FZD3: variants seen among roughly 807,000 people sequenced by gnomAD.
FZD3 encodes the protein frizzled-3.
Under a neutral mutation model 60.7 loss-of-function variants are expected in FZD3, and 30 were observed. The observed-to-expected ratio is 0.49, with a 90% CI of 0.37 to 0.67. The LOEUF (loss-of-function observed/expected upper bound fraction) is 0.67, where lower values mean the gene tolerates loss of function less well. Among genes scored for constraint, FZD3 ranks in the 30% least tolerant of loss-of-function variants. The probability of loss-of-function intolerance (pLI) is 0.00; values close to 1 mark genes in which losing one functional copy is unlikely to be tolerated. For missense variants in FZD3, 605 were observed against 838.7 expected, an observed-to-expected ratio of 0.72 and a Z score of 3.44; for synonymous variants, 246 against 275.2, an observed-to-expected ratio of 0.89 and a Z score of 1.05.
At chr8:28,501,037 A>G (rs1240869159) in intron 2 of FZD3, among the ~76,000 whole-genome samples, 2 of 152,126 alleles carry the variant, frequency 1.3e-5, no homozygotes, top group East Asian at 1.9e-4. Flanking sequence ...TGGGATTACA[A>G]GCGTGAGCCA....
At chr8:28,556,330 C>G (rs944098869) in intron 7 of FZD3, among the ~76,000 whole-genome samples, 3 of 152,168 alleles carry the variant, frequency 2.0e-5, no homozygotes, top group African/African-American at 7.2e-5. Flanking sequence ...TCTTGGTAAG[C>G]TCACAGTCTA....
chr8:28,530,116 T>C (rs1804826666), intron 5 of FZD3, among the ~76,000 whole-genome samples: 1 of 139,856 alleles, frequency 7.2e-6, no homozygotes, highest in South Asian at 2.2e-4. Context: ...TGTGTGTGTG[T>C]GTGTGTGTGT....
At chr8:28,538,090 C>T (rs1286710016) in intron 5 of FZD3, among the ~76,000 whole-genome samples, 2 of 151,212 alleles carry the variant, frequency 1.3e-5, no homozygotes, top group Non-Finnish European at 2.9e-5. Context: ...GCACTCCAGC[C>T]TGGGCGACAA....
chr8:28,511,227 C>T (rs982612797), intron 3 of FZD3, among the ~76,000 whole-genome samples: 17 of 152,018 alleles, frequency 1.1e-4, no homozygotes, highest in Non-Finnish European at 2.4e-4. Flanking sequence ...TGGGTCTACA[C>T]CTGTAATCCC....
intron 7 of FZD3, among the ~76,000 whole-genome samples, chr8:28,559,494 A>G (rs1805576954): frequency 6.6e-6 from 1 of 152,184 alleles, no homozygotes; most frequent in Non-Finnish European, 1.5e-5. Flanking sequence ...GCATATATAT[A>G]TATAGTAGGG....
At chr8:28,519,508 T>A (rs1168239317) in intron 3 of FZD3, among the ~76,000 whole-genome samples, 1 of 152,042 alleles carries the variant, frequency 6.6e-6, no homozygotes, top group Non-Finnish European at 1.5e-5. Context: ...GATGGACAGA[T>A]CGCTTGAGCC....
rs376093496 is a variant in FZD3 at position 28,551,404 on chromosome 8, C to A, written c.1405-199C>A. On this transcript the variant is annotated intron_variant, in intron 5 of 7. Transcript: ENST00000240093. ...TGGCATATACCTGTAATCCTAGCTA[C>A]TTGGGAGGCTGTGAGGCAGGAGAAT... 1.4e-4 allele frequency among the ~76,000 whole-genome samples: 22 copies of A among 152,176 alleles called. 1 individual carries two copies. The highest frequency in any genetic ancestry group is 4.8e-4 in the African/African-American group (20 of 41,512).
Position 28,571,026 on chromosome 8 carries a change from C to T in FZD3, c.*8015C>T, listed in dbSNP as rs1428308912. On this transcript the variant is annotated 3_prime_UTR_variant, in exon 8 of 8. Coordinates refer to ENST00000240093, the MANE Select transcript of FZD3 (RefSeq NM_017412.4). ...ATTATTATGTTATTTCGATTGCCTA[C>T]CAAAAAAAAAAAAAAAAGAAAAGGT... 2.3e-5 allele frequency: 2 copies of T among 86,210 alleles called. No individual in the cohort carries two copies. The highest frequency in any genetic ancestry group is 8.3e-5 in the African/African-American group (2 of 24,046). The allele number at this position is 86,210 out of a possible 1,614,324, so 5.3% of individuals were successfully genotyped here.
intron 5 of FZD3, among the ~76,000 whole-genome samples, chr8:28,541,663 A>AT: frequency 6.6e-6 from 1 of 152,186 alleles, no homozygotes; most frequent in East Asian, 1.9e-4. Flanking sequence ...GTGCTCCAAA[A>AT]TATCTATTTA....
At chr8:28,508,087 A>C (rs1804188239) in intron 3 of FZD3, among the ~76,000 whole-genome samples, 2 of 151,824 alleles carry the variant, frequency 1.3e-5, no homozygotes, top group South Asian at 4.2e-4. Flanking sequence ...TAGAGGCAAG[A>C]TCTCACTATG....
intron 3 of FZD3, among the ~76,000 whole-genome samples, chr8:28,515,024 ATCTT>A (rs1444736271): frequency 6.6e-6 from 1 of 152,062 alleles, no homozygotes; most frequent in African/African-American, 2.4e-5. Context: ...TCTTGGGTCT[ATCTT>A]TGTAGTTGTG....
At chr8:28,528,951 CAG>C (rs1289553779) in intron 5 of FZD3, among the ~76,000 whole-genome samples, 5 of 152,054 alleles carry the variant, frequency 3.3e-5, no homozygotes, top group Admixed American at 6.6e-5. Flanking sequence ...TATTTAGAAA[CAG>C]AGTCTTACTA....
intron 5 of FZD3, among the ~76,000 whole-genome samples, chr8:28,529,395 T>C (rs1804803530): frequency 1.3e-5 from 2 of 152,206 alleles, no homozygotes; most frequent in South Asian, 4.1e-4. Context: ...GGATTACAGA[T>C]AACTTTTGTT....
chr8:28,562,766 G>A (rs1410829305), intron 7 of FZD3, 32 bp from the exon 8 acceptor site: 1 of 1,247,906 alleles, frequency 8.0e-7, no homozygotes. Flanking sequence ...AGTGTGTTCT[G>A]TTACCCACTT....
intron 5 of FZD3, among the ~76,000 whole-genome samples, chr8:28,532,919 C>T (rs914114075): frequency 2.0e-5 from 3 of 152,182 alleles, no homozygotes; most frequent in Non-Finnish European, 4.4e-5. Context: ...TCCTGTAAAA[C>T]TCTGTCCTCA....
intron 5 of FZD3, among the ~76,000 whole-genome samples, chr8:28,536,891 AG>A (rs1320183653): frequency 1.3e-5 from 2 of 152,190 alleles, no homozygotes; most frequent in East Asian, 3.8e-4. Context: ...TCCCTTTACC[AG>A]GCAGTTCCAA....
At chr8:28,542,516 TA>T (rs1376588930) in intron 5 of FZD3, among the ~76,000 whole-genome samples, 2 of 152,148 alleles carry the variant, frequency 1.3e-5, no homozygotes, top group African/African-American at 2.4e-5. Context: ...CGCATGCCTG[TA>T]ATCCCAGCTA....
intron 5 of FZD3, among the ~76,000 whole-genome samples, chr8:28,543,819 A>G (rs1805232384): frequency 6.6e-6 from 1 of 152,122 alleles, no homozygotes; most frequent in Non-Finnish European, 1.5e-5. Flanking sequence ...TTGTAGCAAA[A>G]CTAGTCTCTA....
chr8:28,500,115 C>T (rs1033786687), intron 2 of FZD3, 137 bp downstream of exon 2: 1 of 152,104 alleles, frequency 6.6e-6, no homozygotes, highest in South Asian at 2.1e-4. Flanking sequence ...TACCTGTTTT[C>T]TTCATGTCTC....
Sources: allele counts gnomAD v4.1 joint callset (sites outside exome capture counted in the v4.1 genomes callset), GRCh38; gene constraint gnomAD v4.1.1; transcripts MANE v1.5; gene names NCBI Gene and HGNC (gene_info 2026-07-23, HGNC 2026-07-21).